Variants in MPPED2 observed in about 807,000 individuals in gnomAD.
MPPED2 encodes the protein metallophosphoesterase domain containing 2.
Under a neutral mutation model 33.0 loss-of-function variants are expected in MPPED2, and 5 were observed. The observed-to-expected ratio is 0.15, with a 90% CI of 0.08 to 0.32. The LOEUF is 0.32. MPPED2 is among the 10% of genes least tolerant of loss of function. The probability of loss-of-function intolerance (pLI) is 1.00; values close to 1 mark genes in which losing one functional copy is unlikely to be tolerated. For missense variants in MPPED2, 275 were observed against 372.1 expected (o/e 0.74, Z 2.15); for synonymous variants, 136 against 141.9 (o/e 0.96, Z 0.29).
chr11:30,568,649 A>G (rs1956555757), intron 2 of MPPED2, among the ~76,000 whole-genome samples: 2 of 152,222 alleles, frequency 1.3e-5, no homozygotes, highest in African/African-American at 4.8e-5. Flanking sequence ...AATAATCTTT[A>G]AAAAGTGGCT....
At position 30,427,547 on chromosome 11, in the gene MPPED2, T is replaced by G. The variant is rs574300279; in HGVS notation, c.537-9914A>C. On this transcript the variant is annotated intron_variant, in intron 4 of 6. Transcript: ENST00000358117. The stretch of plus-strand genomic sequence containing the variant: ...CAATTGGAAACTCAATGAGTCTGGC[T>G]CACTACTGTGTCCCCATCACCTGGC... 4.6e-5 allele frequency among the ~76,000 whole-genome samples: 7 copies of G among 152,326 alleles called. No individual in the cohort carries two copies. In the East Asian group the frequency reaches 1.4e-3, roughly 29 times the overall value.
intron 4 of MPPED2, among the ~76,000 whole-genome samples, chr11:30,448,905 C>T (rs749719023): frequency 3.3e-5 from 5 of 152,040 alleles, no homozygotes; most frequent in East Asian, 2.0e-4. Context: ...CTGCCTGCCT[C>T]GGCCTCCCAA....
chr11:30,555,207 C>T (rs1204939741), intron 2 of MPPED2, among the ~76,000 whole-genome samples: 1 of 152,186 alleles, frequency 6.6e-6, no homozygotes, highest in East Asian at 1.9e-4. Context: ...ACAGTCCAGG[C>T]ACCCCAAACA....
chr11:30,551,356 A>C (rs1955702427), intron 2 of MPPED2, among the ~76,000 whole-genome samples: 2 of 152,176 alleles, frequency 1.3e-5, no homozygotes, highest in African/African-American at 2.4e-5. Context: ...CCATAGTCAG[A>C]GATGCTATAA....
At chr11:30,411,978 G>A (rs1394615763) in intron 6 of MPPED2, among the ~76,000 whole-genome samples, 1 of 151,774 alleles carries the variant, frequency 6.6e-6, no homozygotes, top group African/African-American at 2.4e-5. Flanking sequence ...CTCCTCAGGG[G>A]CAAACACAAC....
At chr11:30,521,831 T>G (rs1055733935) in intron 3 of MPPED2, among the ~76,000 whole-genome samples, 1 of 152,174 alleles carries the variant, frequency 6.6e-6, no homozygotes. Context: ...ACATAGATAC[T>G]GCCCCTTGGA....
intron 2 of MPPED2, among the ~76,000 whole-genome samples, chr11:30,545,805 G>GATCT: frequency 6.6e-6 from 1 of 152,124 alleles, no homozygotes; most frequent in Non-Finnish European, 1.5e-5. Context: ...AGCACACAGA[G>GATCT]ATCTAAGAGC....
intron 4 of MPPED2, among the ~76,000 whole-genome samples, chr11:30,484,272 C>A (rs1347845393): frequency 6.6e-6 from 1 of 152,136 alleles, no homozygotes; most frequent in East Asian, 1.9e-4. Flanking sequence ...GTCTTAACCA[C>A]TTCTTCTAGT....
chr11:30,469,376 G>A (rs1950853850), intron 4 of MPPED2, among the ~76,000 whole-genome samples: 1 of 151,904 alleles, frequency 6.6e-6, no homozygotes, highest in Non-Finnish European at 1.5e-5. Flanking sequence ...TGACAGACAT[G>A]GTCCTAGAAA....
chr11:30,451,429 T>C (rs1406299234), intron 4 of MPPED2, among the ~76,000 whole-genome samples: 1 of 152,176 alleles, frequency 6.6e-6, no homozygotes, highest in Non-Finnish European at 1.5e-5. Flanking sequence ...CTGAGGGATG[T>C]GGTCTTTGCC....
intron 2 of MPPED2, among the ~76,000 whole-genome samples, chr11:30,553,273 G>C (rs1286887285): frequency 6.6e-6 from 1 of 152,006 alleles, no homozygotes; most frequent in Middle Eastern, 3.2e-3. Flanking sequence ...AAGGCAGAAG[G>C]GCAAGCATTA....
At chr11:30,487,167 A>G (rs1951777938) in intron 4 of MPPED2, among the ~76,000 whole-genome samples, 1 of 152,220 alleles carries the variant, frequency 6.6e-6, no homozygotes. Context: ...CTGGATTAAA[A>G]GGAGCCTATT....
chr11:30,421,458 A>G (rs1015502828), intron 4 of MPPED2, among the ~76,000 whole-genome samples: 2 of 149,956 alleles, frequency 1.3e-5, no homozygotes, highest in Non-Finnish European at 3.0e-5. Context: ...TGAGAAGAAG[A>G]GCAGTTATAT....
At chr11:30,520,184 C>G (rs1290504564) in intron 3 of MPPED2, among the ~76,000 whole-genome samples, 1 of 152,078 alleles carries the variant, frequency 6.6e-6, no homozygotes, top group East Asian at 1.9e-4. Context: ...TTCTTTCCTG[C>G]TCTTAAAATT....
At chr11:30,523,967 G>C (rs1954017439) in intron 3 of MPPED2, among the ~76,000 whole-genome samples, 1 of 152,132 alleles carries the variant, frequency 6.6e-6, no homozygotes, top group Admixed American at 6.5e-5. Context: ...GAGAGAACAA[G>C]GGGCTGGGCG....
chr11:30,436,925 C>T (rs571657362), intron 4 of MPPED2, among the ~76,000 whole-genome samples: 8 of 152,332 alleles, frequency 5.3e-5, no homozygotes, highest in Admixed American at 4.6e-4. Flanking sequence ...GACATCATCT[C>T]CTGCCTAAAG....
Position 30,539,185 on chromosome 11 carries a change from T to C in MPPED2, c.129-3010A>G, listed in dbSNP as rs145067170. On this transcript the variant is annotated intron_variant, in intron 2 of 6. Coordinates refer to ENST00000358117, the MANE Select transcript of MPPED2 (RefSeq NM_001584.3). The stretch of plus-strand genomic sequence containing the variant: ...AACATTTTCACTATAAAAGTACATC[T>C]AAGGGAGACTCCAACTGCTACTGGA... 3.6e-3 allele frequency among the ~76,000 whole-genome samples: 553 copies of C among 152,272 alleles called. 3 individuals carry two copies. The highest frequency in any genetic ancestry group is 0.013 in the African/African-American group (542 of 41,564).
intron 2 of MPPED2, among the ~76,000 whole-genome samples, chr11:30,561,181 A>G (rs2134718542): frequency 6.6e-6 from 1 of 152,328 alleles, no homozygotes; most frequent in Non-Finnish European, 1.5e-5. Context: ...CTGCATAGAT[A>G]TATAATTTCT....
intron 2 of MPPED2, 43 bp from the exon 3 acceptor site, chr11:30,536,218 G>T: frequency 6.9e-7 from 1 of 1,455,300 alleles, no homozygotes; most frequent in Non-Finnish European, 9.1e-7. Flanking sequence ...AAACATATTA[G>T]AACCCTTGAA....
Sources: allele counts gnomAD v4.1 joint callset (sites outside exome capture counted in the v4.1 genomes callset), GRCh38; gene constraint gnomAD v4.1.1; transcripts MANE v1.5; gene names NCBI Gene and HGNC (gene_info 2026-07-23, HGNC 2026-07-21).